The following CNTFR variants were observed in gnomAD, a reference collection of about 807,000 sequenced individuals.
CNTFR encodes the protein ciliary neurotrophic factor receptor, also known as ciliary neurotrophic factor receptor subunit alpha.
CNTFR carries 12 observed loss-of-function variants against 40.4 expected under a neutral mutation model. That is an observed-to-expected ratio of 0.30 (90% CI 0.19 to 0.48). CNTFR has a LOEUF of 0.48. Among genes scored for constraint, CNTFR ranks in the 20% least tolerant of loss-of-function variants. The pLI is 0.99. For missense variants in CNTFR, 414 were observed against 506.8 expected (o/e 0.82, Z 1.76); for synonymous variants, 202 against 209.6 (o/e 0.96, Z 0.31).
upstream of CNTFR, among the ~76,000 whole-genome samples, chr9:34,590,466 C>A (rs960082462): frequency 6.6e-6 from 1 of 152,196 alleles, no homozygotes; most frequent in African/African-American, 2.4e-5. Context: ...TTGCTACTGC[C>A]CCCCGCAACG....
Position 34,552,556 on chromosome 9 carries a change from G to T in CNTFR, c.949+118C>A. ...ATGGCAGGAGTTGGACAGACAGGCA[G>T]AAGTGTGGCTACCCCCGGGAGCAGA... On this transcript the variant is annotated intron_variant, in intron 8 of 9. Coordinates refer to ENST00000378980, the MANE Select transcript of CNTFR (RefSeq NM_147164.3). This position sits in a 1 kb window ranked among gnomAD's most constrained non-coding sequence, Gnocchi z 5.1. The T allele has an allele frequency of 1.7e-6, 2 of 1,162,670 alleles. No individual in the cohort carries two copies. Among genetic ancestry groups the T allele is most frequent in the East Asian group, 5.1e-5 (2 of 39,072 alleles). The allele number at this position is 1,162,670 out of a possible 1,614,324, so 72.0% of individuals were successfully genotyped here. A position where few individuals can be genotyped will look rare whatever the true frequency, so the allele number is the denominator to read the frequency against.
At chr9:34,561,470 T>C (rs56320014) in intron 4 of CNTFR, among the ~76,000 whole-genome samples, 20,943 of 152,140 alleles carry the variant, frequency 0.14, 1,541 homozygotes, top group Middle Eastern at 0.21. Context: ...TGATCCTGCT[T>C]CCTAATGTGG....
At position 34,556,194 on chromosome 9, in the gene CNTFR, C is replaced by CCACTCACTGCACATGATTCTAA. The variant is rs6150984; in HGVS notation, c.768+39_768+60dup. ...GCTGCTGCCACGTGGGATATGGGTG[C>CCACTCACTGCACATGATTCTAA]CACTCACTGCACATGATTCTAACTC... On this transcript the variant is annotated intron_variant, in intron 7 of 9. Coordinates refer to ENST00000378980, the MANE Select transcript of CNTFR (RefSeq NM_147164.3). 9,166 of 1,547,674 alleles carry CCACTCACTGCACATGATTCTAA rather than the reference C, an allele frequency of 5.9e-3. 417 individuals are homozygous for CCACTCACTGCACATGATTCTAA. In the East Asian group the frequency reaches 0.093, roughly 16 times the overall value.
chr9:34,558,766 A>G lies in CNTFR; in HGVS notation c.320-782T>C, dbSNP rs1043091913. 5.9e-5 allele frequency among the ~76,000 whole-genome samples: 9 copies of G among 152,246 alleles called. No homozygotes were observed. The Middle Eastern group carries it at 0.01, about 173-fold the overall frequency. On this transcript the variant is annotated intron_variant, in intron 4 of 9. Coordinates refer to ENST00000378980, the MANE Select transcript of CNTFR (RefSeq NM_147164.3). Reference sequence around the variant, plus strand: ...GCAGACCCTTTAAGAAGCCCTTTACATGGTAAGCAGCTGCCCTCACTCTGG... The same window carrying G: ...GCAGACCCTTTAAGAAGCCCTTTACGTGGTAAGCAGCTGCCCTCACTCTGG...
chr9:34,574,666 G>C (rs534848745), intron 2 of CNTFR, among the ~76,000 whole-genome samples: 7 of 152,228 alleles, frequency 4.6e-5, no homozygotes, highest in Non-Finnish European at 7.3e-5. Context: ...GAGTGAGTTG[G>C]GGGGGTTGGT....
intron 2 of CNTFR, chr9:34,570,149 TC>T: frequency 6.6e-6 from 1 of 152,286 alleles, no homozygotes; most frequent in Non-Finnish European, 1.5e-5. Flanking sequence ...TCTCCGAGAT[TC>T]CAGCCAGCCA....
chr9:34,586,443 TCAACACC>T (rs750775208), intron 1 of CNTFR, among the ~76,000 whole-genome samples: 2 of 152,132 alleles, frequency 1.3e-5, no homozygotes, highest in Non-Finnish European at 2.9e-5. Flanking sequence ...AATCACAGAT[TCAACACC>T]CTGGAGCAGT....
intron 1 of CNTFR, among the ~76,000 whole-genome samples, chr9:34,586,204 GC>G (rs1476039520): frequency 6.6e-6 from 1 of 152,148 alleles, no homozygotes; most frequent in African/African-American, 2.4e-5. Flanking sequence ...TGCATCCTAG[GC>G]CCCCCAGGGC....
chr9:34,578,677 CCCAGGTCCTATT>C (rs1194840388), intron 2 of CNTFR, among the ~76,000 whole-genome samples: 18 of 152,318 alleles, frequency 1.2e-4, no homozygotes, highest in Admixed American at 2.0e-4. Context: ...CCAGCCTACC[CCCAGGTCCTATT>C]CCAGGTCCTA....
chr9:34,558,590 G>C lies in CNTFR; in HGVS notation c.320-606C>G, dbSNP rs185641016. Among the ~76,000 whole-genome samples, 5 of 152,300 alleles carry C rather than the reference G, an allele frequency of 3.3e-5. No homozygotes were observed. In the East Asian group the frequency reaches 5.8e-4, roughly 18 times the overall value. ...GCATGTCTCTATGTGACATGAATGA[G>C]TGACCAGGGATCCGTAGGAGCAGCT... On this transcript the variant is annotated intron_variant, in intron 4 of 9. Coordinates refer to ENST00000378980, the MANE Select transcript of CNTFR (RefSeq NM_147164.3).
At chr9:34,584,605 G>A (rs1827464424) in intron 1 of CNTFR, among the ~76,000 whole-genome samples, 1 of 152,234 alleles carries the variant, frequency 6.6e-6, no homozygotes, top group African/African-American at 2.4e-5. Context: ...GCCTTGGAAG[G>A]TCAGAGATGG....
At chr9:34,570,543 C>A (rs963961912) in intron 2 of CNTFR, among the ~76,000 whole-genome samples, 2 of 152,214 alleles carry the variant, frequency 1.3e-5, no homozygotes, top group South Asian at 2.1e-4. Context: ...CGCAAACAGG[C>A]GTACACCCAG....
At chr9:34,588,910 C>A (rs1827658063) in intron 1 of CNTFR, among the ~76,000 whole-genome samples, 1 of 152,120 alleles carries the variant, frequency 6.6e-6, no homozygotes, top group African/African-American at 2.4e-5. Context: ...AGCAGACTCA[C>A]AAAGAGACAC....
intron 2 of CNTFR, among the ~76,000 whole-genome samples, chr9:34,577,909 C>T (rs956135255): frequency 1.1e-3 from 155 of 139,958 alleles, no homozygotes; most frequent in Non-Finnish European, 1.8e-3. Context: ...GAGAAAGGAG[C>T]GGGAAGCGCC....
intron 7 of CNTFR, among the ~76,000 whole-genome samples, chr9:34,556,048 G>A (rs906650718): frequency 6.7e-6 from 1 of 149,518 alleles, no homozygotes; most frequent in Non-Finnish European, 1.5e-5. Flanking sequence ...ATGTGTTCCC[G>A]CTGCACTAAC....
chr9:34,565,752 A>C (rs1014542480), intron 3 of CNTFR, among the ~76,000 whole-genome samples: 3 of 152,182 alleles, frequency 2.0e-5, no homozygotes, highest in African/African-American at 7.2e-5. Context: ...GACAGGCAGC[A>C]CGAAGTGGGG....
intron 2 of CNTFR, chr9:34,571,535 C>T (rs1431649800): frequency 1.3e-5 from 2 of 151,882 alleles, no homozygotes; most frequent in African/African-American, 2.4e-5. Flanking sequence ...CACACACTCC[C>T]ACGTGCATGC....
At chr9:34,564,165 G>A (rs536373388) in intron 4 of CNTFR, among the ~76,000 whole-genome samples, 5 of 152,254 alleles carry the variant, frequency 3.3e-5, no homozygotes, top group South Asian at 2.1e-4. Context: ...CTCCTGGAGC[G>A]CCTTGCCTGT....
At chr9:34,578,154 C>T (rs1022047058) in intron 2 of CNTFR, among the ~76,000 whole-genome samples, 1 of 151,340 alleles carries the variant, frequency 6.6e-6, no homozygotes, top group Non-Finnish European at 1.5e-5. Flanking sequence ...CACAGCGGTC[C>T]CGGCGGGCGG....
Sources: gnomAD v4.1 joint callset for allele counts (sites outside exome capture counted in the v4.1 genomes callset) on GRCh38, gnomAD v4.1.1 for gene constraint, Gnocchi (gnomAD v3.1) non-coding constraint, MANE v1.5 for transcripts, NCBI Gene and HGNC (gene_info 2026-07-23, HGNC 2026-07-21) for gene names.